Variants in DNAJA4 observed in about 807,000 individuals in gnomAD.
DNAJA4 encodes the protein DnaJ heat shock protein family (Hsp40) member A4, also known as dnaJ homolog subfamily A member 4.
A neutral mutation model predicts 39.7 loss-of-function variants in DNAJA4; 32 were observed. That is an observed-to-expected ratio of 0.81 (90% CI 0.61 to 1.08). The LOEUF is 1.08. Ranked by LOEUF, DNAJA4 falls within the 50% of genes least tolerant of loss-of-function variation. DNAJA4 has a pLI of 0.00. For synonymous variants in DNAJA4, 184 were observed against 182.4 expected, an observed-to-expected ratio of 1.01 and a Z score of -0.07; for missense variants, 439 against 505.1, an observed-to-expected ratio of 0.87 and a Z score of 1.25.
intron 1 of DNAJA4, chr15:78,265,945 A>G (rs2049109987): frequency 1.7e-6 from 1 of 589,002 alleles, no homozygotes; most frequent in South Asian, 2.1e-5. Flanking sequence ...AAGCTACTTC[A>G]GGACGGTTGG....
At chr15:78,275,756 A>C in intron 5 of DNAJA4, 28 bp downstream of exon 5, 1 of 1,476,836 alleles carries the variant, frequency 6.8e-7, no homozygotes, top group South Asian at 1.2e-5. Flanking sequence ...GTTTCCATTG[A>C]TGTTCTGTAT....
chr15:78,278,800 C>T (rs1046715360), intron 5 of DNAJA4, among the ~76,000 whole-genome samples: 2 of 150,954 alleles, frequency 1.3e-5, no homozygotes, highest in Non-Finnish European at 3.0e-5. Context: ...TACAGGCACA[C>T]ACCACCATTC....
upstream of DNAJA4, chr15:78,264,476 T>C (rs892268304): frequency 2.5e-5 from 32 of 1,277,852 alleles, no homozygotes; most frequent in Admixed American, 6.8e-4. Flanking sequence ...TCCGCGAAGG[T>C]TCTAGGCCTT....
At chr15:78,272,599 A>T (rs2049332677) in intron 2 of DNAJA4, among the ~76,000 whole-genome samples, 1 of 152,202 alleles carries the variant, frequency 6.6e-6, no homozygotes, top group African/African-American at 2.4e-5. Context: ...TGCAGAAGCA[A>T]GATTTTGGCA....
At chr15:78,266,320 T>A (rs2049122237) in intron 1 of DNAJA4, 4 of 1,597,904 alleles carry the variant, frequency 2.5e-6, no homozygotes, top group Non-Finnish European at 3.4e-6. Context: ...GTGTATACAG[T>A]TAGAGCTGAA....
At chr15:78,266,106 A>T in intron 1 of DNAJA4, 1 of 792,814 alleles carries the variant, frequency 1.3e-6, no homozygotes, top group Non-Finnish European at 2.0e-6. Flanking sequence ...TGTAGCTTTT[A>T]AAGGCACTGG....
rs190173051 is a variant in DNAJA4 at position 78,265,836 on chromosome 15, C to T, written c.132+941C>T. On this transcript the variant is annotated intron_variant, in intron 1 of 6. Coordinates refer to ENST00000394852, the MANE Select transcript of DNAJA4 (RefSeq NM_001130182.2). ...GCTGATAGCAGTGTCACTTGGGCCACGTTTGAAACCACACCAATCACCCAT... is the reference window on the plus strand; with the variant it reads ...GCTGATAGCAGTGTCACTTGGGCCATGTTTGAAACCACACCAATCACCCAT... 4.9e-5 allele frequency: 30 copies of T among 608,060 alleles called. No individual in the cohort carries two copies. The East Asian group carries it at 5.7e-4, about 12-fold the overall frequency. 37.7% of individuals were successfully genotyped at this position (608,060 alleles called of 1,614,324 possible). A position where few individuals can be genotyped will look rare whatever the true frequency, so the allele number is the denominator to read the frequency against.
At position 78,279,263 on chromosome 15, in the gene DNAJA4, T is replaced by C. The variant is rs1465048660; in HGVS notation, c.878-782T>C. Reference sequence around the variant, plus strand: ...TTCCCCTCCACCGTCTCCCCCATTTTTTCCGAACATTTCTTTCTGTCTTTG... The same window carrying C: ...TTCCCCTCCACCGTCTCCCCCATTTCTTCCGAACATTTCTTTCTGTCTTTG... On this transcript the variant is annotated intron_variant, in intron 5 of 6. Transcript: ENST00000394852. This position sits in a 1 kb window ranked among gnomAD's most constrained non-coding sequence, Gnocchi z 4.5. 1 of 141,976 alleles carries C rather than the reference T, an allele frequency of 7.0e-6. No individual in the cohort carries two copies. Among genetic ancestry groups the C allele is most frequent in the Non-Finnish European group, 1.6e-5 (1 of 63,576 alleles). 8.8% of individuals were successfully genotyped at this position (141,976 alleles called of 1,614,324 possible). A position where few individuals can be genotyped will look rare whatever the true frequency, so the allele number is the denominator to read the frequency against.
intron 1 of DNAJA4, chr15:78,265,952 T>G: frequency 3.4e-6 from 2 of 587,194 alleles, no homozygotes; most frequent in African/African-American, 1.9e-5. Flanking sequence ...TTCAGGACGG[T>G]TGGCTGAATG....
At chr15:78,268,373 T>A (rs1282035688) in intron 1 of DNAJA4, among the ~76,000 whole-genome samples, 1 of 152,218 alleles carries the variant, frequency 6.6e-6, no homozygotes, top group East Asian at 1.9e-4. Flanking sequence ...AGAATTAACA[T>A]ATCAAAAGAT....
intron 1 of DNAJA4, chr15:78,265,768 T>C: frequency 3.0e-6 from 2 of 667,416 alleles, no homozygotes; most frequent in East Asian, 2.7e-5. Flanking sequence ...TACAAAACTT[T>C]GGTTGTTCCG....
Position 78,272,197 on chromosome 15 carries a change from C to T in DNAJA4, c.314-898C>T, listed in dbSNP as rs373509060. 3.9e-4 allele frequency among the ~76,000 whole-genome samples: 60 copies of T among 152,112 alleles called. 4 individuals carry two copies. The South Asian group carries it at 0.011, about 29-fold the overall frequency. On this transcript the variant is annotated intron_variant, in intron 2 of 6. Transcript: ENST00000394852. ...TAAAAAATACAAAAACTTAGGTGGG[C>T]GCGGTGGCAGGCGCCTGTAGTCCCA... is the stretch of plus-strand genomic sequence containing the variant.
At chr15:78,266,016 C>G in intron 1 of DNAJA4, 1 of 586,648 alleles carries the variant, frequency 1.7e-6, no homozygotes, top group Middle Eastern at 4.5e-4. Context: ...GTGGCTGTCA[C>G]AAGTTTAAAA....
upstream of DNAJA4, chr15:78,264,401 G>GCTGGGCCGCGCCGGACGGGCGTCGGGGGT (rs1315626288): frequency 1.0e-4 from 140 of 1,383,928 alleles, 1 homozygote; most frequent in Middle Eastern, 1.3e-3. Flanking sequence ...CAGGTGAGCG[G>GCTGGGCCGCGCCGGACGGGCGTCGGGGGT]CTGGGCCGCG....
intron 2 of DNAJA4, among the ~76,000 whole-genome samples, chr15:78,271,635 C>T (rs2049301196): frequency 6.6e-6 from 1 of 152,212 alleles, no homozygotes. Flanking sequence ...TCAATGGCCC[C>T]AGGCCACTGT....
intron 5 of DNAJA4, among the ~76,000 whole-genome samples, 197 bp downstream of exon 5, chr15:78,275,925 T>G (rs1292175814): frequency 6.6e-6 from 1 of 152,222 alleles, no homozygotes; most frequent in African/African-American, 2.4e-5. Flanking sequence ...ATTTATTTCT[T>G]TGTGTTGGGA....
At chr15:78,264,318 C>T, upstream of DNAJA4, 1 of 1,404,710 alleles carries the variant, frequency 7.1e-7, no homozygotes, top group South Asian at 1.5e-5. Flanking sequence ...CCCGCCATGG[C>T]CCGGGGCGGC....
chr15:78,278,212 A>C, intron 5 of DNAJA4: 1 of 456,050 alleles, frequency 2.2e-6, no homozygotes, highest in Non-Finnish European at 4.4e-6. Context: ...TCTTACCTGT[A>C]GTTTTCCATG....
intron 1 of DNAJA4, among the ~76,000 whole-genome samples, chr15:78,268,801 C>A (rs1225260694): frequency 6.6e-6 from 1 of 152,238 alleles, no homozygotes; most frequent in East Asian, 1.9e-4. Context: ...AACCCCCCAT[C>A]TTCATGGAGC....
Sources: gnomAD v4.1 joint callset for allele counts (sites outside exome capture counted in the v4.1 genomes callset) on GRCh38, gnomAD v4.1.1 for gene constraint, Gnocchi (gnomAD v3.1) non-coding constraint, MANE v1.5 for transcripts, NCBI Gene and HGNC (gene_info 2026-07-23, HGNC 2026-07-21) for gene names.